Variants in CIBAR2 observed in about 807,000 individuals in gnomAD.
CIBAR2 encodes the protein CBY1-interacting BAR domain-containing protein 2.
CIBAR2 carries 38 observed loss-of-function variants against 36.2 expected under a neutral mutation model. The ratio of observed to expected loss-of-function variants is 1.05; its 90% CI spans 0.81 to 1.38. CIBAR2 has a LOEUF of 1.38. CIBAR2 is among the 40% of genes most tolerant of loss of function. CIBAR2 has a pLI of 0.00. For missense variants in CIBAR2, 481 were observed against 383.4 expected, an observed-to-expected ratio of 1.25 and a Z score of -2.13; for synonymous variants, 182 against 149.5, an observed-to-expected ratio of 1.22 and a Z score of -1.58.
intron 6 of CIBAR2, among the ~76,000 whole-genome samples, chr16:85,103,797 C>T (rs1487679264): frequency 1.3e-5 from 2 of 152,218 alleles, no homozygotes; most frequent in East Asian, 1.9e-4. Flanking sequence ...GGCTGGGATT[C>T]GGCAGGGGTC....
chr16:85,104,055 C>G lies in CIBAR2; in HGVS notation c.537+1272G>C, dbSNP rs1323997068. Among the ~76,000 whole-genome samples, 5 of 152,354 alleles carry G rather than the reference C, an allele frequency of 3.3e-5. 1 individual carries two copies. In the South Asian group the frequency reaches 1.0e-3, roughly 32 times the overall value. ...GCATTCCACACTTGTTAAAGTAACA[C>G]GTGAATTGAATACACAATTAACCAT... On this transcript the variant is annotated intron_variant, in intron 6 of 8. Coordinates refer to ENST00000539556, the MANE Select transcript of CIBAR2 (RefSeq NM_198491.3).
chr16:85,105,450 G>C lies in CIBAR2; in HGVS notation c.433-19C>G. The C allele has an allele frequency of 1.9e-6, 3 of 1,586,720 alleles. No homozygotes were observed. The highest frequency in any genetic ancestry group is 2.6e-6 in the Non-Finnish European group (3 of 1,155,536). ...TCTCTGCCTGGCCCCAGGGACACAA[G>C]ACGTAGAAAGTGTCATGGGGGTGCT... is the stretch of plus-strand genomic sequence containing the variant. On this transcript the variant is annotated intron_variant, in intron 5 of 8. Coordinates refer to ENST00000539556, the MANE Select transcript of CIBAR2 (RefSeq NM_198491.3).
At position 85,098,434 on chromosome 16, in the gene CIBAR2, G is replaced by T; in HGVS notation, c.*751C>A. 1.5e-6 allele frequency: 1 copy of T among 665,234 alleles called. No individual in the cohort carries two copies. Among genetic ancestry groups the T allele is most frequent in the Non-Finnish European group, 1.9e-6 (1 of 536,794 alleles). 41.2% of individuals were successfully genotyped at this position (665,234 alleles called of 1,614,324 possible). On this transcript the variant is annotated 3_prime_UTR_variant, in exon 9 of 9. Transcript: ENST00000539556. ...TCCCCCAGAGCAACCTGTGAAGTGA[G>T]TGATATTGGCCCTGTTGTACAGATG...
At chr16:85,108,644 G>A (rs1047602920) in intron 2 of CIBAR2, among the ~76,000 whole-genome samples, 8 of 152,170 alleles carry the variant, frequency 5.3e-5, no homozygotes, top group East Asian at 3.9e-4. Context: ...AGGCCGAGGC[G>A]GGCAGATCAC....
intron 2 of CIBAR2, among the ~76,000 whole-genome samples, chr16:85,108,486 C>T (rs7206466): frequency 6.6e-6 from 1 of 152,216 alleles, no homozygotes; most frequent in Non-Finnish European, 1.5e-5. Context: ...ACAGCCCTGG[C>T]CCCGTCTCCC....
intron 7 of CIBAR2, among the ~76,000 whole-genome samples, chr16:85,100,504 G>C (rs1397273573): frequency 6.6e-6 from 1 of 152,132 alleles, no homozygotes; most frequent in Non-Finnish European, 1.5e-5. Context: ...GATAACAGCA[G>C]GATTCGAGAT....
chr16:85,112,128 GC>G (rs1279033826), intron 1 of CIBAR2, among the ~76,000 whole-genome samples: 1 of 152,172 alleles, frequency 6.6e-6, no homozygotes, highest in Non-Finnish European at 1.5e-5. Context: ...GCAGACGGAG[GC>G]CAGATTCTGG....
At position 85,098,728 on chromosome 16, in the gene CIBAR2, T is replaced by G; in HGVS notation, c.*457A>C. ...ACGACAGCAACATCAGTAATGATAA[T>G]GGCAGCAACAAGTCTCAAGTGTTTG... On this transcript the variant is annotated 3_prime_UTR_variant, in exon 9 of 9. Transcript: ENST00000539556. The G allele has an allele frequency of 1.4e-6, 1 of 718,664 alleles. No individual in the cohort carries two copies. The highest frequency in any genetic ancestry group is 1.7e-6 in the Non-Finnish European group (1 of 586,160). 44.5% of individuals were successfully genotyped at this position (718,664 alleles called of 1,614,324 possible).
At chr16:85,104,458 A>G (rs1425707229) in intron 6 of CIBAR2, among the ~76,000 whole-genome samples, 1 of 152,220 alleles carries the variant, frequency 6.6e-6, no homozygotes, top group African/African-American at 2.4e-5. Flanking sequence ...CTATAATCCC[A>G]GCACTTTAGG....
In CIBAR2 at chr16:85,098,497, G is replaced by C; in HGVS notation, c.*688C>G. On this transcript the variant is annotated 3_prime_UTR_variant, in exon 9 of 9. Coordinates refer to ENST00000539556, the MANE Select transcript of CIBAR2 (RefSeq NM_198491.3). ...CTCAGAGGACACGTGGCTTGCCTGA[G>C]GGCACACAGCAGAGCCCACCTGAGG... 1 of 985,812 alleles carries C rather than the reference G, an allele frequency of 1.0e-6. No individual in the cohort carries two copies. The highest frequency in any genetic ancestry group is 1.7e-5 in the African/African-American group (1 of 57,334). 61.1% of individuals were successfully genotyped at this position (985,812 alleles called of 1,614,324 possible). A position where few individuals can be genotyped will look rare whatever the true frequency, so the allele number is the denominator to read the frequency against.
intron 6 of CIBAR2, among the ~76,000 whole-genome samples, chr16:85,103,000 C>A (rs2073967841): frequency 6.6e-6 from 1 of 151,888 alleles, no homozygotes; most frequent in Non-Finnish European, 1.5e-5. Context: ...CTCCCGGGTT[C>A]AAGCGATTCT....
chr16:85,108,912 T>C (rs187030921), intron 2 of CIBAR2, among the ~76,000 whole-genome samples: 37 of 152,094 alleles, frequency 2.4e-4, no homozygotes, highest in African/African-American at 8.4e-4. Flanking sequence ...AGCAGCCTCT[T>C]GCCAATTTTA....
chr16:85,100,229 G>A lies in CIBAR2; in HGVS notation c.663C>T (p.Ala221=). The A allele has an allele frequency of 6.2e-7, 1 of 1,609,096 alleles. No individual in the cohort carries two copies. The highest frequency in any genetic ancestry group is 8.5e-7 in the Non-Finnish European group (1 of 1,178,004). ...DLERDLLDFR[A]KMQGVYGHYD... is the part of the protein sequence containing the mutation. Reference sequence around the variant, plus strand: ...AATGCCCATAAACTCCTTGCATCTTGGCTCTAAAATCCTGCCGGGGAGAGA... The same window carrying A: ...AATGCCCATAAACTCCTTGCATCTTAGCTCTAAAATCCTGCCGGGGAGAGA... Residue 221 remains alanine (A), a synonymous_variant, in exon 8 of 9, where the codon GCC becomes GCT. Transcript: ENST00000539556.
intron 6 of CIBAR2, among the ~76,000 whole-genome samples, chr16:85,103,060 C>G (rs1365369310): frequency 6.6e-6 from 1 of 152,186 alleles, no homozygotes; most frequent in Admixed American, 6.5e-5. Flanking sequence ...TGCCACCACG[C>G]CTGGCTAATT....
rs866171994 is a variant in CIBAR2, at chr16:85,108,268, G to T, written c.256-169C>A. 2.1e-4 allele frequency among the ~76,000 whole-genome samples: 32 copies of T among 152,324 alleles called. 1 individual carries two copies. In the Middle Eastern group the frequency reaches 0.024, roughly 113 times the overall value. ...CCGGTGTGTTGGAGGCACGGAGCTG[G>T]GTTCAGGGCCCGGCTCTGCCTCCCG... On this transcript the variant is annotated intron_variant, in intron 2 of 8. Coordinates refer to ENST00000539556, the MANE Select transcript of CIBAR2 (RefSeq NM_198491.3).
intron 1 of CIBAR2, 26 bp from the exon 2 acceptor site, chr16:85,110,486 C>T (rs1227469788): frequency 1.3e-6 from 2 of 1,538,938 alleles, no homozygotes; most frequent in African/African-American, 2.8e-5. Flanking sequence ...CCTGAGCAGC[C>T]ATTCTGGGCA....
chr16:85,105,407 C>A lies in CIBAR2; in HGVS notation c.457G>T (p.Ala153Ser), dbSNP rs749367892. 11 of 1,613,448 alleles carry A rather than the reference C, an allele frequency of 6.8e-6. No individual in the cohort carries two copies. The highest frequency in any genetic ancestry group is 6.7e-5 in the Admixed American group (4 of 59,998). ...SQAETRVQRA[A>S]VDSSRTTLQL... ...AGGGTGGTGCGGCTGGAGTCCACAGCGGCCCTCTGCACTCTGGTCTCTGCC... is the reference window on the plus strand; with the variant it reads ...AGGGTGGTGCGGCTGGAGTCCACAGAGGCCCTCTGCACTCTGGTCTCTGCC... Residue 153 changes from alanine (A) to serine (S), a missense_variant, in exon 6 of 9, where the codon GCT becomes TCT. By Grantham distance (99) the Ala-to-Ser change is moderately conservative. Transcript: ENST00000539556.
chr16:85,101,045 C>CAAA (rs56107645), intron 7 of CIBAR2, among the ~76,000 whole-genome samples: 1 of 130,282 alleles, frequency 7.7e-6, no homozygotes, highest in Non-Finnish European at 1.7e-5. Context: ...GACTCCGTCT[C>CAAA]AAAAAAAAAA....
At chr16:85,106,715 A>G (rs2073998467) in intron 5 of CIBAR2, among the ~76,000 whole-genome samples, 1 of 152,208 alleles carries the variant, frequency 6.6e-6, no homozygotes, top group Admixed American at 6.5e-5. Context: ...GTGAACCTCT[A>G]ACCTCCTGAA....
Sources: allele counts gnomAD v4.1 joint callset (sites outside exome capture counted in the v4.1 genomes callset), GRCh38; gene constraint gnomAD v4.1.1; transcripts MANE v1.5; gene names NCBI Gene and HGNC (gene_info 2026-07-23, HGNC 2026-07-21).